The following SLC6A20 variants were observed in gnomAD, a reference collection of about 807,000 sequenced individuals.
SLC6A20 encodes the protein solute carrier family 6 member 20.
SLC6A20 carries 73 observed loss-of-function variants against 64.3 expected under a neutral mutation model. The ratio of observed to expected loss-of-function variants is 1.14; its 90% CI spans 0.94 to 1.38. SLC6A20 has a LOEUF of 1.38. SLC6A20 is among the 40% of genes most tolerant of loss of function. The probability of loss-of-function intolerance (pLI) is 0.00; values close to 1 mark genes in which losing one functional copy is unlikely to be tolerated. For missense variants in SLC6A20, 725 were observed against 772.8 expected (o/e 0.94, Z 0.73); for synonymous variants, 347 against 329.6 (o/e 1.05, Z -0.57).
chr3:45,773,237 C>T (rs1381608043), intron 4 of SLC6A20, among the ~76,000 whole-genome samples: 1 of 152,172 alleles, frequency 6.6e-6, no homozygotes, highest in African/African-American at 2.4e-5. Context: ...CGAGGTGTAG[C>T]GTAGAGGACA....
At position 45,770,168 on chromosome 3, in the gene SLC6A20, G is replaced by T. The variant is rs1427592494; in HGVS notation, c.1098+41C>A. 4 of 1,612,202 alleles carry T rather than the reference G, an allele frequency of 2.5e-6. No individual in the cohort carries two copies. In the African/African-American group the frequency reaches 5.3e-5, roughly 22 times the overall value. The stretch of plus-strand genomic sequence containing the variant: ...AGCTCACCAAGGTTCCCATGAGTGT[G>T]TGGAGAGAAGCCAGTCCTTGACCTT... On this transcript the variant is annotated intron_variant, in intron 7 of 10. Transcript: ENST00000358525.
intron 3 of SLC6A20, among the ~76,000 whole-genome samples, chr3:45,776,223 G>A (rs1380041929): frequency 6.6e-6 from 1 of 152,096 alleles, no homozygotes; most frequent in Non-Finnish European, 1.5e-5. Context: ...GCAATTCTAC[G>A]GGTGTTCCTT....
In SLC6A20 at chr3:45,756,490, T is replaced by TATG. The variant is rs1449080552; in HGVS notation, c.*2485_*2487dup. ...GGTTCATACATTTGAAAGTCAAATG[T>TATG]ATGATAACTGGACAATCAGGTGAAG... On this transcript the variant is annotated 3_prime_UTR_variant, in exon 11 of 11. Transcript: ENST00000358525. The TATG allele has an allele frequency of 6.6e-6, 1 of 152,236 alleles. No homozygotes were observed. Among genetic ancestry groups the TATG allele is most frequent in the Non-Finnish European group, 1.5e-5 (1 of 68,042 alleles). 9.4% of individuals were successfully genotyped at this position (152,236 alleles called of 1,614,324 possible).
At chr3:45,779,190 G>A (rs1412746722) in intron 3 of SLC6A20, among the ~76,000 whole-genome samples, 2 of 152,206 alleles carry the variant, frequency 1.3e-5, no homozygotes, top group Non-Finnish European at 2.9e-5. Context: ...CTCCTCCACT[G>A]TTCCCAACTG....
At chr3:45,769,077 A>T (rs1161943647) in intron 7 of SLC6A20, among the ~76,000 whole-genome samples, 3 of 152,242 alleles carry the variant, frequency 2.0e-5, no homozygotes, top group Non-Finnish European at 4.4e-5. Flanking sequence ...CAAGGTCAAC[A>T]TATAAAATAT....
intron 1 of SLC6A20, among the ~76,000 whole-genome samples, chr3:45,794,473 T>TCC (rs1297915224): frequency 6.6e-6 from 1 of 152,140 alleles, no homozygotes. Flanking sequence ...CCATGCTCCG[T>TCC]CCGGCTTCCA....
intron 1 of SLC6A20, among the ~76,000 whole-genome samples, chr3:45,788,365 C>G (rs1700201656): frequency 6.6e-6 from 1 of 152,058 alleles, no homozygotes. Context: ...ACAGCAAACC[C>G]AAGCGCTACT....
At chr3:45,767,216 G>C (rs144525785) in intron 7 of SLC6A20, among the ~76,000 whole-genome samples, 2 of 152,262 alleles carry the variant, frequency 1.3e-5, no homozygotes, top group Non-Finnish European at 2.9e-5. Context: ...TGATTATCAT[G>C]AGCCAGCAAT....
At chr3:45,795,640 T>A (rs1700333125) in intron 1 of SLC6A20, among the ~76,000 whole-genome samples, 1 of 152,210 alleles carries the variant, frequency 6.6e-6, no homozygotes, top group Non-Finnish European at 1.5e-5. Flanking sequence ...TAGAAGGTGT[T>A]CCCAGCTTTC....
intron 3 of SLC6A20, among the ~76,000 whole-genome samples, chr3:45,777,653 C>T (rs1016605903): frequency 6.6e-6 from 1 of 152,182 alleles, no homozygotes; most frequent in African/African-American, 2.4e-5. Context: ...GAGAGGGAGG[C>T]ACGTGGAGGG....
At chr3:45,768,785 C>T (rs1699814695) in intron 7 of SLC6A20, among the ~76,000 whole-genome samples, 1 of 152,324 alleles carries the variant, frequency 6.6e-6, no homozygotes, top group East Asian at 1.9e-4. Flanking sequence ...CTCCCTACTC[C>T]CTATCCTTGA....
intron 1 of SLC6A20, among the ~76,000 whole-genome samples, chr3:45,787,164 C>T (rs752510370): frequency 3.3e-5 from 5 of 152,232 alleles, no homozygotes; most frequent in Non-Finnish European, 7.3e-5. Flanking sequence ...CTCCCTTGAC[C>T]TCTGAGGCTT....
chr3:45,766,170 A>G (rs991814324), intron 7 of SLC6A20, among the ~76,000 whole-genome samples: 3 of 152,220 alleles, frequency 2.0e-5, no homozygotes, highest in African/African-American at 7.2e-5. Flanking sequence ...GCAGGCAACC[A>G]GGAGGGGCAG....
At chr3:45,770,075 G>A (rs2125724014) in intron 7 of SLC6A20, 134 bp downstream of exon 7, 1 of 1,156,438 alleles carries the variant, frequency 8.6e-7, no homozygotes, top group Non-Finnish European at 1.2e-6. Flanking sequence ...CTTCCCCTTG[G>A]AGTTGCAGGA....
chr3:45,762,943 AT>A lies in SLC6A20; in HGVS notation c.1432del (p.Ile478LeufsTer9). The part of the protein sequence containing the change: ...SLLLIVLVET[I>X]AVCYVYGLRR... Reference sequence around the variant, plus strand: ...CAGCCCGTACACGTAGCACACGGCAATCGTCTCCACCAGCACGATGAGCAGC... The same window carrying A: ...CAGCCCGTACACGTAGCACACGGCAACGTCTCCACCAGCACGATGAGCAGC... On this transcript the variant is annotated frameshift_variant, in exon 9 of 11. Coordinates refer to ENST00000358525, the MANE Select transcript of SLC6A20 (RefSeq NM_020208.4). LOFTEE classifies it high-confidence loss of function. The A allele has an allele frequency of 3.7e-6, 6 of 1,614,152 alleles. No individual in the cohort carries two copies. Among genetic ancestry groups the A allele is most frequent in the Non-Finnish European group, 5.1e-6 (6 of 1,180,038 alleles).
At chr3:45,778,142 G>A (rs1474945158) in intron 3 of SLC6A20, among the ~76,000 whole-genome samples, 1 of 152,226 alleles carries the variant, frequency 6.6e-6, no homozygotes, top group Non-Finnish European at 1.5e-5. Context: ...AGGTGCTCCT[G>A]CTGAGAAGGG....
At chr3:45,779,937 C>T (rs1033728303) in intron 3 of SLC6A20, 72 bp downstream of exon 3, 64 of 1,491,646 alleles carry the variant, frequency 4.3e-5, no homozygotes, top group Admixed American at 7.9e-5. Context: ...CCCCCTTCCC[C>T]GAGCGGGTGG....
rs1397541325 is a variant in SLC6A20, at chr3:45,775,965, G to A, written c.378C>T (p.Cys126=). Residue 126 remains cysteine (C), a synonymous_variant, in exon 4 of 11, where the codon TGC becomes TGT. Transcript: ENST00000358525. ...SFQDPLPWSV[C]PLNGNHTGYD... is the part of the protein sequence containing the mutation. ...AGCCCGTGTGGTTACCATTCAGTGGGCAGACAGACCACGGCAGGGGATCCT... is the reference window on the plus strand; with the variant it reads ...AGCCCGTGTGGTTACCATTCAGTGGACAGACAGACCACGGCAGGGGATCCT... 6.2e-7 allele frequency: 1 copy of A among 1,614,230 alleles called. No individual in the cohort carries two copies. Among genetic ancestry groups the A allele is most frequent in the Non-Finnish European group, 8.5e-7 (1 of 1,180,034 alleles).
rs1029408074 is a variant in SLC6A20 at position 45,775,927 on chromosome 3, C to A, written c.416G>T (p.Cys139Phe). The change falls in exon 4 of 11, where the codon TGT (cysteine) becomes TTT (phenylalanine). Residue 139 changes from cysteine to phenylalanine, a missense_variant. Transcript: ENST00000358525. ...NGNHTGYDEECEKASSTQYFW... is the reference protein window; with the variant it reads ...NGNHTGYDEEFEKASSTQYFW... ...GTACTGTGTGGAGGACGCCTTCTCA[C>A]ACTCCTCATCGTAGCCCGTGTGGTT... 1 of 1,614,198 alleles carries A rather than the reference C, an allele frequency of 6.2e-7. No homozygotes were observed. The highest frequency in any genetic ancestry group is 1.1e-5 in the South Asian group (1 of 91,082).
Sources: gnomAD v4.1 joint callset for allele counts (sites outside exome capture counted in the v4.1 genomes callset) on GRCh38, gnomAD v4.1.1 for gene constraint, MANE v1.5 for transcripts, NCBI Gene and HGNC (gene_info 2026-07-23, HGNC 2026-07-21) for gene names.